Variants in FCHSD1 observed in about 807,000 individuals in gnomAD.
FCHSD1 encodes the protein F-BAR and double SH3 domains protein 1.
A neutral mutation model predicts 101.3 loss-of-function variants in FCHSD1; 109 were observed. The ratio of observed to expected loss-of-function variants is 1.08; its 90% CI spans 0.92 to 1.26. FCHSD1 has a LOEUF of 1.26. Ranked by LOEUF, FCHSD1 falls within the 50% of genes most tolerant of loss-of-function variation. FCHSD1 has a pLI of 0.00. For synonymous variants in FCHSD1, 291 were observed against 356.8 expected (o/e 0.82, Z 2.08); for missense variants, 820 against 895.8 (o/e 0.92, Z 1.08).
chr5:141,641,876 C>T, intron 18 of FCHSD1, 119 bp from the exon 19 acceptor site: 1 of 997,452 alleles, frequency 1.0e-6, no homozygotes, highest in Non-Finnish European at 1.5e-6. Context: ...CCATCCTAGA[C>T]CATAAAATCC....
At chr5:141,651,298 C>A in intron 1 of FCHSD1, 50 bp downstream of exon 1, 1 of 1,551,516 alleles carries the variant, frequency 6.4e-7, no homozygotes, top group Non-Finnish European at 8.7e-7. Context: ...CCCCTTAGCT[C>A]CCTCCGTTCC....
In FCHSD1 at chr5:141,648,901, C is replaced by G. The variant is rs551783972; in HGVS notation, c.576+56G>C. 2.5e-5 allele frequency: 40 copies of G among 1,598,860 alleles called. 1 individual carries two copies. In the South Asian group the frequency reaches 4.4e-4, roughly 18 times the overall value. ...ACATATGCACCTATGTTCCAAACCA[C>G]TAGACTACTCTGCCTCCCTCTTCCC... On this transcript the variant is annotated intron_variant, in intron 7 of 19. Transcript: ENST00000435817.
At position 141,640,734 on chromosome 5, in the gene FCHSD1, C is replaced by T. The variant is rs1161245890; in HGVS notation, c.*764G>A. ...CCAGGGGGTGGGTGGGCGTGAAAGC[C>T]CTCCCCTCCACTGGACAGCACTGCC... On this transcript the variant is annotated 3_prime_UTR_variant, in exon 20 of 20. Transcript: ENST00000435817. 3.4e-6 allele frequency: 5 copies of T among 1,471,606 alleles called. No homozygotes were observed. In the South Asian group the frequency reaches 3.7e-5, roughly 11 times the overall value. The allele number at this position is 1,471,606 out of a possible 1,614,324, so 91.2% of individuals were successfully genotyped here.
chr5:141,640,453 T>G lies in FCHSD1; in HGVS notation c.*1045A>C. ...GAGCAGGGAGTATGTGAGGTGAGTC[T>G]GCCTGAGCCCTAAATGAGGTAATCT... On this transcript the variant is annotated 3_prime_UTR_variant, in exon 20 of 20. Transcript: ENST00000435817. 2 of 1,614,184 alleles carry G rather than the reference T, an allele frequency of 1.2e-6. No individual in the cohort carries two copies. Among genetic ancestry groups the G allele is most frequent in the Non-Finnish European group, 1.7e-6 (2 of 1,180,010 alleles).
In FCHSD1 at chr5:141,645,630, A is replaced by G. The variant is rs559449441; in HGVS notation, c.1311+141T>C. The G allele has an allele frequency of 2.0e-5, 21 of 1,025,294 alleles. No individual in the cohort carries two copies. The South Asian group carries it at 3.4e-4, about 17-fold the overall frequency. 63.5% of individuals were successfully genotyped at this position (1,025,294 alleles called of 1,614,324 possible). A position where few individuals can be genotyped will look rare whatever the true frequency, so the allele number is the denominator to read the frequency against. On this transcript the variant is annotated intron_variant, in intron 13 of 19. Transcript: ENST00000435817. ...CTCTATGCCAGAAATTATGCAAAGA[A>G]TGATATATGATGATTTCACTTAAGC...
rs1392587941 is a variant in FCHSD1, at chr5:141,640,841, C to CAA, written c.*656_*657insTT. The CAA allele has an allele frequency of 1.6e-6, 1 of 631,262 alleles. No individual in the cohort carries two copies. Among genetic ancestry groups the CAA allele is most frequent in the Admixed American group, 3.0e-5 (1 of 33,460 alleles). 39.1% of individuals were successfully genotyped at this position (631,262 alleles called of 1,614,324 possible). A position where few individuals can be genotyped will look rare whatever the true frequency, so the allele number is the denominator to read the frequency against. On this transcript the variant is annotated 3_prime_UTR_variant, in exon 20 of 20. Coordinates refer to ENST00000435817, the MANE Select transcript of FCHSD1 (RefSeq NM_033449.3). ...GGCCTCAGGAGAGGTCACAGCCCCT[C>CAA]AGTCTCTTCTCCTTCCCCTGCCTGC...
chr5:141,646,126 C>T lies in FCHSD1; in HGVS notation c.1110G>A (p.Gln370=). 1.2e-6 allele frequency: 2 copies of T among 1,612,584 alleles called. No individual in the cohort carries two copies. The highest frequency in any genetic ancestry group is 8.5e-7 in the Non-Finnish European group (1 of 1,179,472). Residue 370 remains glutamine, a synonymous_variant, in exon 12 of 20, where the codon CAG becomes CAA. Coordinates refer to ENST00000435817, the MANE Select transcript of FCHSD1 (RefSeq NM_033449.3). The part of the protein sequence containing the change: ...ASEREAPSIE[Q]RLQEVRESIR... ...TGCTCTCTCGCACTTCCTGTAACCT[C>T]TGTTCTATGCTTGGAGCCTCCCGCT...
In FCHSD1 at chr5:141,651,361, G is replaced by A. The variant is rs1184359937; in HGVS notation, c.8C>T (p.Pro3Leu). ...GGCCAAGCTCACTTTTCGGGGCGGC[G>A]GCTGCATCTCCGCTCCAGCAAGGCG... MQ[P>L]PPRKVKPAQE... Residue 3 changes from proline to leucine, a missense_variant, in exon 1 of 20, where the codon CCG (proline) becomes CTG (leucine). Coordinates refer to ENST00000435817, the MANE Select transcript of FCHSD1 (RefSeq NM_033449.3). The A allele has an allele frequency of 6.4e-7, 1 of 1,553,712 alleles. No homozygotes were observed. The highest frequency in any genetic ancestry group is 8.7e-7 in the Non-Finnish European group (1 of 1,148,258).
chr5:141,647,471 A>C lies in FCHSD1; in HGVS notation c.755T>G (p.Leu252Arg). Reference protein sequence around the residue: ...SEHLRDPLTSLSHTELEAAEV... With the variant: ...SEHLRDPLTSRSHTELEAAEV... ...TGCGGCTTCCAGCTCAGTGTGGCTC[A>C]GGGAGGTCAGGGGGTCCCTCAAGTG... Residue 252 changes from leucine (L) to arginine (R), a missense_variant, in exon 9 of 20, where the codon CTG becomes CGG. By Grantham distance (102) the Leu-to-Arg change is moderately radical. Transcript: ENST00000435817. 6.2e-7 allele frequency: 1 copy of C among 1,612,288 alleles called. No homozygotes were observed. The highest frequency in any genetic ancestry group is 1.1e-5 in the South Asian group (1 of 90,880).
intron 18 of FCHSD1, 155 bp from the exon 19 acceptor site, chr5:141,641,912 T>A: frequency 7.8e-6 from 6 of 769,210 alleles, no homozygotes; most frequent in Middle Eastern, 3.7e-4. Flanking sequence ...GTCCTCAACA[T>A]TTATTGGGCA....
At chr5:141,645,665 AC>A (rs2099907561) in intron 13 of FCHSD1, 105 bp downstream of exon 13, 5 of 1,326,798 alleles carry the variant, frequency 3.8e-6, no homozygotes, top group African/African-American at 1.5e-5. Context: ...CCTCGTAATA[AC>A]CCTTTGAGTT....
In FCHSD1 at chr5:141,639,589, G is replaced by T. The variant is rs370251427; in HGVS notation, c.*1909C>A. ...AGGCCTCCACTTGTCCGTCAGGGACGCTCCAAGGAAGGAAAAAGCCGCCCC... is the reference window on the plus strand; with the variant it reads ...AGGCCTCCACTTGTCCGTCAGGGACTCTCCAAGGAAGGAAAAAGCCGCCCC... On this transcript the variant is annotated 3_prime_UTR_variant, in exon 20 of 20. Transcript: ENST00000435817. The surrounding 1 kb of genome is among the most constrained non-coding windows in gnomAD (Gnocchi z 4.4). The T allele has an allele frequency of 1.9e-6, 3 of 1,613,748 alleles. No homozygotes were observed. The highest frequency in any genetic ancestry group is 3.3e-5 in the Admixed American group (2 of 59,996).
intron 3 of FCHSD1, among the ~76,000 whole-genome samples, 160 bp from the exon 4 acceptor site, chr5:141,650,114 C>G (rs973091694): frequency 7.9e-5 from 12 of 152,202 alleles, no homozygotes. Context: ...ATCCTTACAA[C>G]AACCCTACAT....
At chr5:141,650,264 G>T in intron 3 of FCHSD1, 95 bp downstream of exon 3, 1 of 1,519,426 alleles carries the variant, frequency 6.6e-7, no homozygotes, top group Non-Finnish European at 9.1e-7. Flanking sequence ...CTAGGCATCT[G>T]CTCTTGACCA....
chr5:141,644,392 C>T lies in FCHSD1; in HGVS notation c.1689G>A (p.Glu563=), dbSNP rs1377536619. 1.3e-5 allele frequency: 21 copies of T among 1,613,848 alleles called. No homozygotes were observed. The highest frequency in any genetic ancestry group is 5.0e-5 in the Admixed American group (3 of 60,000). ...ALYSYTGQSA[E]ELSFPEGALI... is the part of the protein sequence containing the mutation. ...GTGCCCCCTCAGGGAAGCTCAGCTC[C>T]TCTGCACTCTGTCCGGTGTAGCTGT... is the stretch of plus-strand genomic sequence containing the variant. Residue 563 remains glutamate, a synonymous_variant, in exon 17 of 20, where the codon GAG becomes GAA. Coordinates refer to ENST00000435817, the MANE Select transcript of FCHSD1 (RefSeq NM_033449.3).
chr5:141,641,780 A>T, intron 18 of FCHSD1, 23 bp from the exon 19 acceptor site: 1 of 1,613,720 alleles, frequency 6.2e-7, no homozygotes, highest in South Asian at 1.1e-5. Flanking sequence ...ACCACAAGTC[A>T]GTCTTCAGAC....
chr5:141,646,464 G>T, intron 11 of FCHSD1, 139 bp downstream of exon 11: 1 of 1,329,308 alleles, frequency 7.5e-7, no homozygotes, highest in Non-Finnish European at 1.0e-6. Context: ...CTTAACTATT[G>T]TGCCACACTG....
Position 141,639,866 on chromosome 5 carries a change from G to A in FCHSD1, c.*1632C>T. 1 of 1,580,898 alleles carries A rather than the reference G, an allele frequency of 6.3e-7. No individual in the cohort carries two copies. Among genetic ancestry groups the A allele is most frequent in the Non-Finnish European group, 8.7e-7 (1 of 1,152,026 alleles). On this transcript the variant is annotated 3_prime_UTR_variant, in exon 20 of 20. Transcript: ENST00000435817. The surrounding 1 kb of genome is among the most constrained non-coding windows in gnomAD (Gnocchi z 4.4). ...AGGATGTCCCTGGTCAGAGGGGAGG[G>A]CCAAGCAGCCTCTGAGTTGTGGTCC... is the stretch of plus-strand genomic sequence containing the variant.
At chr5:141,648,438 T>C (rs1053797566) in intron 7 of FCHSD1, among the ~76,000 whole-genome samples, 3 of 152,184 alleles carry the variant, frequency 2.0e-5, no homozygotes, top group Non-Finnish European at 4.4e-5. Flanking sequence ...TACAAAGTTA[T>C]TCCCACCTCA....
Sources: allele counts gnomAD v4.1 joint callset (sites outside exome capture counted in the v4.1 genomes callset), GRCh38; gene constraint gnomAD v4.1.1; non-coding constraint Gnocchi (gnomAD v3.1); transcripts MANE v1.5; gene names NCBI Gene and HGNC (gene_info 2026-07-23, HGNC 2026-07-21).